The following MARCHF7 variants were observed in gnomAD, a reference collection of about 807,000 sequenced individuals.
MARCHF7 encodes the protein membrane associated ring-CH-type finger 7.
In MARCHF7, 20 loss-of-function variants were observed where a neutral mutation model predicts 76.5. The observed-to-expected ratio is 0.26, with a 90% CI of 0.18 to 0.38. MARCHF7 has a LOEUF of 0.38. Ranked by LOEUF, MARCHF7 falls within the 10% of genes least tolerant of loss-of-function variation. The pLI is 1.00. For synonymous variants in MARCHF7, 295 were observed against 293.0 expected (o/e 1.01, Z -0.07); for missense variants, 797 against 812.9 (o/e 0.98, Z 0.24).
chr2:159,740,429 G>T (rs1465497426), intron 4 of MARCHF7, among the ~76,000 whole-genome samples: 4 of 152,148 alleles, frequency 2.6e-5, no homozygotes, highest in Non-Finnish European at 4.4e-5. Context: ...ACAGGATTAG[G>T]TATTAGTTGC....
chr2:159,751,948 T>C (rs1705705914), intron 7 of MARCHF7, among the ~76,000 whole-genome samples: 1 of 152,194 alleles, frequency 6.6e-6, no homozygotes, highest in African/African-American at 2.4e-5. Context: ...TTCATGGAAG[T>C]AGCCCTAAAA....
chr2:159,749,738 G>T (rs968381724), intron 7 of MARCHF7, among the ~76,000 whole-genome samples: 2 of 113,008 alleles, frequency 1.8e-5, no homozygotes, highest in East Asian at 2.3e-4. Context: ...TGGTTGGGGC[G>T]GGGGGGGCGG....
rs764076442 is a variant in MARCHF7 at position 159,748,806 on chromosome 2, A to G, written c.1516A>G (p.Ile506Val). Reference sequence around the variant, plus strand: ...CGACAATGTCATGATCACAGTAGATATTATTCCTTCAGGTTGGAATTCAGC... The same window carrying G: ...CGACAATGTCATGATCACAGTAGATGTTATTCCTTCAGGTTGGAATTCAGC... ...LTDNVMITVD[I>V]IPSGWNSADG... Residue 506 changes from isoleucine (I) to valine (V), a missense_variant, in exon 7 of 12, where the codon ATT (isoleucine) becomes GTT (valine). Around this residue, in one of 3 missense-constraint regions of MARCHF7, gnomAD observed 643 missense variants for 631.5 expected, o/e 1.02. Coordinates refer to ENST00000409175, the MANE Select transcript of MARCHF7 (RefSeq NM_001282805.2). The G allele has an allele frequency of 1.9e-6, 3 of 1,614,176 alleles. No homozygotes were observed. The highest frequency in any genetic ancestry group is 1.7e-6 in the Non-Finnish European group (2 of 1,180,042).
At position 159,770,552 on chromosome 2, in the gene MARCHF7, G is replaced by C. The variant is rs1708110048; in HGVS notation, c.*3210G>C. ...AGAAGAAAGTAAGATAATTGATGGG[G>C]TGTGGATTCAGAAGAGGGATTACTT... On this transcript the variant is annotated 3_prime_UTR_variant, in exon 12 of 12. Transcript: ENST00000409175. 6.6e-6 allele frequency: 1 copy of C among 152,188 alleles called. No homozygotes were observed. The highest frequency in any genetic ancestry group is 1.5e-5 in the Non-Finnish European group (1 of 68,034). 9.4% of individuals were successfully genotyped at this position (152,188 alleles called of 1,614,324 possible).
At chr2:159,715,511 T>C (rs1370103488) in intron 2 of MARCHF7, among the ~76,000 whole-genome samples, 170 bp from the exon 3 acceptor site, 1 of 152,088 alleles carries the variant, frequency 6.6e-6, no homozygotes, top group African/African-American at 2.4e-5. Context: ...CATGTCTGAC[T>C]AATTTTTATA....
At chr2:159,723,528 A>AG (rs1475862419) in intron 3 of MARCHF7, among the ~76,000 whole-genome samples, 2 of 152,202 alleles carry the variant, frequency 1.3e-5, no homozygotes, top group Non-Finnish European at 2.9e-5. Context: ...TTGCAAAGGC[A>AG]GTGCCCCTCT....
chr2:159,735,599 G>T (rs1450543897), intron 4 of MARCHF7, among the ~76,000 whole-genome samples: 1 of 152,114 alleles, frequency 6.6e-6, no homozygotes, highest in African/African-American at 2.4e-5. Flanking sequence ...TCTTTTGTTA[G>T]TAGCTTCTTT....
At chr2:159,751,229 T>A (rs1705611599) in intron 7 of MARCHF7, among the ~76,000 whole-genome samples, 1 of 152,234 alleles carries the variant, frequency 6.6e-6, no homozygotes. Flanking sequence ...ACTTTAGTTA[T>A]CTTCAGAGAG....
At chr2:159,724,053 T>C (rs1379595196) in intron 3 of MARCHF7, among the ~76,000 whole-genome samples, 10 of 152,218 alleles carry the variant, frequency 6.6e-5, no homozygotes. Flanking sequence ...TAGGACACGC[T>C]GTTCATTTAG....
intron 8 of MARCHF7, 35 bp downstream of exon 8, chr2:159,752,606 C>T: frequency 7.0e-7 from 1 of 1,421,850 alleles, no homozygotes; most frequent in Middle Eastern, 1.9e-4. Flanking sequence ...CACAATTTTT[C>T]TAAGAGATGC....
chr2:159,767,453 TAAAA>T lies in MARCHF7; in HGVS notation c.*112_*115del. 3 of 677,414 alleles carry T rather than the reference TAAAA, an allele frequency of 4.4e-6. No individual in the cohort carries two copies. The highest frequency in any genetic ancestry group is 7.6e-6 in the Non-Finnish European group (3 of 394,026). 42.0% of individuals were successfully genotyped at this position (677,414 alleles called of 1,614,324 possible). On this transcript the variant is annotated 3_prime_UTR_variant, in exon 12 of 12. Transcript: ENST00000409175. ...GCCTAATAAATACATTGACTATATA[TAAAA>T]TGAATATATACATACACATGTATGC...
At chr2:159,713,515 A>G (rs546422155) in intron 1 of MARCHF7, among the ~76,000 whole-genome samples, 3 of 152,290 alleles carry the variant, frequency 2.0e-5, no homozygotes, top group East Asian at 3.9e-4. Context: ...TTGATTAGCT[A>G]TTTTTCTGAT....
At chr2:159,718,958 G>A (rs1389229313) in intron 3 of MARCHF7, among the ~76,000 whole-genome samples, 3 of 152,020 alleles carry the variant, frequency 2.0e-5, no homozygotes, top group African/African-American at 7.2e-5. Flanking sequence ...TATTTCCAGC[G>A]TTCTCCTGGA....
chr2:159,744,940 CTG>C (rs1275476120), intron 5 of MARCHF7, among the ~76,000 whole-genome samples: 18 of 152,176 alleles, frequency 1.2e-4, no homozygotes, highest in African/African-American at 2.7e-4. Context: ...ATTACGATAA[CTG>C]TAACAATACT....
chr2:159,754,736 C>T (rs943498170), intron 8 of MARCHF7, among the ~76,000 whole-genome samples: 1 of 152,100 alleles, frequency 6.6e-6, no homozygotes, highest in Admixed American at 6.6e-5. Context: ...ATTTCCTCTT[C>T]AGAAGGCTAG....
chr2:159,759,799 T>C (rs192088988), intron 9 of MARCHF7, among the ~76,000 whole-genome samples: 12 of 152,266 alleles, frequency 7.9e-5, no homozygotes, highest in Admixed American at 2.6e-4. Flanking sequence ...ATGAAGTGCT[T>C]GAAAAACACT....
At chr2:159,766,537 A>C (rs1279877132) in intron 11 of MARCHF7, among the ~76,000 whole-genome samples, 1 of 152,198 alleles carries the variant, frequency 6.6e-6, no homozygotes, top group Non-Finnish European at 1.5e-5. Flanking sequence ...CGTGCAAAGC[A>C]GTTCATAGAA....
chr2:159,761,500 C>T (rs1220814218), intron 9 of MARCHF7, among the ~76,000 whole-genome samples: 2 of 139,004 alleles, frequency 1.4e-5, no homozygotes, highest in Admixed American at 8.5e-5. Context: ...CTGCAACCTC[C>T]ACCTCCCGGG....
At chr2:159,747,541 CAAAT>C (rs949226558) in intron 6 of MARCHF7, among the ~76,000 whole-genome samples, 34 of 151,802 alleles carry the variant, frequency 2.2e-4, no homozygotes, top group Non-Finnish European at 2.9e-5. Context: ...TTAATTTTAT[CAAAT>C]AAAATTTTCA....
Sources: gnomAD v4.1 joint callset for allele counts (sites outside exome capture counted in the v4.1 genomes callset) on GRCh38, gnomAD v4.1.1 for gene constraint, gnomAD v4.1.1 regional missense constraint, MANE v1.5 for transcripts, NCBI Gene and HGNC (gene_info 2026-07-23, HGNC 2026-07-21) for gene names.